The following SMPDL3A variants were observed in gnomAD, a reference collection of about 807,000 sequenced individuals.
SMPDL3A encodes cyclic GMP-AMP phosphodiesterase SMPDL3A.
Under a neutral mutation model 38.5 loss-of-function variants are expected in SMPDL3A, and 39 were observed. The observed-to-expected ratio is 1.01, with a 90% CI of 0.78 to 1.32. SMPDL3A has a LOEUF of 1.32. SMPDL3A is among the 40% of genes most tolerant of loss of function. SMPDL3A has a pLI of 0.00. For missense variants in SMPDL3A, 502 were observed against 536.2 expected (o/e 0.94, Z 0.63); for synonymous variants, 180 against 194.3 (o/e 0.93, Z 0.61).
At chr6:122,801,029 G>C (rs1369090278) in intron 3 of SMPDL3A, among the ~76,000 whole-genome samples, 1 of 152,170 alleles carries the variant, frequency 6.6e-6, no homozygotes, top group African/African-American at 2.4e-5. Flanking sequence ...GGGATTATAG[G>C]CATGAGCCAC....
chr6:122,795,624 G>T, intron 1 of SMPDL3A, 53 bp from the exon 2 acceptor site: 1 of 1,350,366 alleles, frequency 7.4e-7, no homozygotes, highest in South Asian at 1.2e-5. Context: ...ATTTTTATGA[G>T]AATTCCAAAA....
intron 1 of SMPDL3A, among the ~76,000 whole-genome samples, chr6:122,794,346 C>T (rs892664782): frequency 2.6e-5 from 4 of 152,066 alleles, no homozygotes; most frequent in Non-Finnish European, 4.4e-5. Flanking sequence ...GCCTGTAATC[C>T]CAGCACTTTA....
chr6:122,808,620 T>G (rs1781730777), intron 7 of SMPDL3A, among the ~76,000 whole-genome samples: 1 of 100,652 alleles, frequency 9.9e-6, no homozygotes. Context: ...CCTTCCTTCC[T>G]TCCTTCCTTC....
chr6:122,804,798 C>A, intron 5 of SMPDL3A, 111 bp from the exon 6 acceptor site: 1 of 849,824 alleles, frequency 1.2e-6, no homozygotes, highest in Non-Finnish European at 1.8e-6. Flanking sequence ...GATATATTTG[C>A]TTTCTAAATT....
chr6:122,797,672 A>G (rs1054231680), intron 3 of SMPDL3A, among the ~76,000 whole-genome samples: 3 of 152,214 alleles, frequency 2.0e-5, no homozygotes, highest in African/African-American at 4.8e-5. Context: ...GGGCTGGGCA[A>G]TTGTCTCCTG....
At chr6:122,801,521 T>C (rs1323654045) in intron 4 of SMPDL3A, 115 bp downstream of exon 4, 1 of 735,328 alleles carries the variant, frequency 1.4e-6, no homozygotes, top group Non-Finnish European at 2.4e-6. Flanking sequence ...CCCCCAGTTT[T>C]TGTGGAGGAC....
rs970366988 is a variant in SMPDL3A, at chr6:122,804,949, C to A, written c.779C>A (p.Ser260Tyr). The change falls in exon 6 of 8, where the codon TCT becomes TAT. Residue 260 changes from serine to tyrosine, a missense_variant. Ser to Tyr is a moderately radical substitution (Grantham distance 144). Transcript: ENST00000368440. ...IAHVPVGYLP[S>Y]SQNITAMREY... The stretch of plus-strand genomic sequence containing the variant: ...CATGTTCCAGTGGGGTATCTGCCAT[C>A]TTCACAGAACATCACAGCAATGAGA... 7.4e-6 allele frequency: 12 copies of A among 1,612,208 alleles called. No individual in the cohort carries two copies. The highest frequency in any genetic ancestry group is 1.6e-4 in the Middle Eastern group (1 of 6,078).
Position 122,809,277 on chromosome 6 carries a change from T to C in SMPDL3A, c.1231T>C (p.Phe411Leu). ...GTTTATAAAATACTACAATTACTTC[T>C]TTGTGAGTTATGACAGCAGTGTAAC... Reference protein sequence around the residue: ...KQFIKYYNYFFVSYDSSVTCD... With the variant: ...KQFIKYYNYFLVSYDSSVTCD... Residue 411 changes from phenylalanine (F) to leucine (L), a missense_variant, in exon 8 of 8, where the codon TTT becomes CTT. Physicochemically the swap from Phe to Leu is conservative, Grantham distance 22 (BLOSUM62 0). Transcript: ENST00000368440. The C allele has an allele frequency of 1.2e-6, 2 of 1,614,070 alleles. No homozygotes were observed. Among genetic ancestry groups the C allele is most frequent in the Non-Finnish European group, 1.7e-6 (2 of 1,179,900 alleles).
At chr6:122,795,544 T>C in intron 1 of SMPDL3A, 133 bp from the exon 2 acceptor site, 2 of 666,704 alleles carry the variant, frequency 3.0e-6, no homozygotes, top group Non-Finnish European at 5.2e-6. Flanking sequence ...TCGAGGCTTA[T>C]GAACATTTAA....
chr6:122,797,166 A>G, intron 3 of SMPDL3A, 198 bp downstream of exon 3: 1 of 425,066 alleles, frequency 2.4e-6, no homozygotes, highest in East Asian at 3.5e-5. Flanking sequence ...ACTTCATGAG[A>G]AGTTGTATCA....
intron 3 of SMPDL3A, among the ~76,000 whole-genome samples, chr6:122,798,798 A>T (rs933159643): frequency 6.6e-6 from 1 of 151,274 alleles, no homozygotes; most frequent in African/African-American, 2.4e-5. Context: ...AATGCTACCT[A>T]ACTTCTATAA....
chr6:122,796,222 C>A (rs994452865), intron 2 of SMPDL3A, among the ~76,000 whole-genome samples: 2 of 152,116 alleles, frequency 1.3e-5, no homozygotes, highest in African/African-American at 4.8e-5. Flanking sequence ...CCTGTCATGA[C>A]AATTTTGTAA....
chr6:122,805,810 G>T (rs922718559), intron 6 of SMPDL3A, among the ~76,000 whole-genome samples: 1 of 152,084 alleles, frequency 6.6e-6, no homozygotes, highest in African/African-American at 2.4e-5. Context: ...GGCCAGGAAG[G>T]TCTCGATCTC....
At position 122,809,073 on chromosome 6, in the gene SMPDL3A, T is replaced by A. The variant is rs1178919364; in HGVS notation, c.1045-18T>A. ...TGCCAAAAAGTGAACCAGGTTTTGT[T>A]ACTGTTCTTAACTGCAGGATATGTT... On this transcript the variant is annotated intron_variant, in intron 7 of 7. Transcript: ENST00000368440. 4 of 1,599,452 alleles carry A rather than the reference T, an allele frequency of 2.5e-6. No homozygotes were observed. The South Asian group carries it at 4.4e-5, about 18-fold the overall frequency.
At chr6:122,794,596 CA>C (rs946928587) in intron 1 of SMPDL3A, among the ~76,000 whole-genome samples, 3 of 151,388 alleles carry the variant, frequency 2.0e-5, no homozygotes, top group Non-Finnish European at 1.5e-5. Context: ...GACTCCATCT[CA>C]AAAAAAACAC....
chr6:122,806,238 C>T lies in SMPDL3A; in HGVS notation c.925C>T (p.Pro309Ser). The T allele has an allele frequency of 1.9e-6, 3 of 1,611,582 alleles. No homozygotes were observed. Among genetic ancestry groups the T allele is most frequent in the African/African-American group, 1.3e-5 (1 of 74,956 alleles). The change falls in exon 7 of 8, where the codon CCA becomes TCA. Residue 309 changes from proline (P) to serine (S), a missense_variant. By Grantham distance (74) the Pro-to-Ser change is moderately conservative (BLOSUM62 -1). Coordinates refer to ENST00000368440, the MANE Select transcript of SMPDL3A (RefSeq NM_006714.5). The part of the protein sequence containing the change: ...IMVLSDKKGS[P>S]VNSLFVAPAV... ...TGTGCATACGTTTTGTTCAGGAAGT[C>T]CAGTAAATTCTTTGTTTGTGGCTCC...
chr6:122,809,591 A>G lies in SMPDL3A; in HGVS notation c.*183A>G. ...TTTATCATTCTGAATTGTATTATATATTTAAAGTGCTCATTAATAGAATGA... is the reference window on the plus strand; with the variant it reads ...TTTATCATTCTGAATTGTATTATATGTTTAAAGTGCTCATTAATAGAATGA... On this transcript the variant is annotated 3_prime_UTR_variant, in exon 8 of 8. Coordinates refer to ENST00000368440, the MANE Select transcript of SMPDL3A (RefSeq NM_006714.5). 1 of 503,476 alleles carries G rather than the reference A, an allele frequency of 2.0e-6. No individual in the cohort carries two copies. Among genetic ancestry groups the G allele is most frequent in the East Asian group, 3.2e-5 (1 of 31,604 alleles). The allele number at this position is 503,476 out of a possible 1,614,324, so 31.2% of individuals were successfully genotyped here.
intron 7 of SMPDL3A, among the ~76,000 whole-genome samples, chr6:122,807,086 G>GC (rs1185565575): frequency 6.7e-6 from 1 of 149,606 alleles, no homozygotes; most frequent in African/African-American, 2.5e-5. Flanking sequence ...AGAGATGGGG[G>GC]GGGGGGGTCT....
At chr6:122,800,651 C>A (rs1435748929) in intron 3 of SMPDL3A, among the ~76,000 whole-genome samples, 1 of 152,146 alleles carries the variant, frequency 6.6e-6, no homozygotes, top group East Asian at 1.9e-4. Flanking sequence ...TGCTTTGATG[C>A]CCTTTTGTTA....
Sources: gnomAD v4.1 joint callset for allele counts (sites outside exome capture counted in the v4.1 genomes callset) on GRCh38, gnomAD v4.1.1 for gene constraint, MANE v1.5 for transcripts, NCBI Gene and HGNC (gene_info 2026-07-23, HGNC 2026-07-21) for gene names.